Variants in OTOF observed in about 807,000 individuals in gnomAD.
OTOF encodes the protein fer-1-like family member 2.
A neutral mutation model predicts 236.8 loss-of-function variants in OTOF; 218 were observed. That is an observed-to-expected ratio of 0.92 (90% CI 0.82 to 1.03). The LOEUF is 1.03. OTOF is among the 50% of genes least tolerant of loss of function. The pLI is 0.00. For missense variants in OTOF, 2,590 were observed against 2,694.4 expected, an observed-to-expected ratio of 0.96 and a Z score of 0.86; for synonymous variants, 1,041 against 1,072.5, an observed-to-expected ratio of 0.97 and a Z score of 0.57.
chr2:26,501,576 T>C (rs770833323), intron 8 of OTOF, among the ~76,000 whole-genome samples, 178 bp downstream of exon 8: 1 of 152,208 alleles, frequency 6.6e-6, no homozygotes, highest in African/African-American at 2.4e-5. Flanking sequence ...ATCTCTCTAC[T>C]GATGATACTT....
In OTOF at chr2:26,471,158, G is replaced by A. The variant is rs1462081059; in HGVS notation, c.3865-8C>T. ...GACAACAGCTTCAGAAGTCTGCAGAGGAACCAAGGAGACAGGGGCAGAATC... is the reference window on the plus strand; with the variant it reads ...GACAACAGCTTCAGAAGTCTGCAGAAGAACCAAGGAGACAGGGGCAGAATC... On this transcript the variant is annotated splice_region_variant and splice_polypyrimidine_tract_variant and intron_variant, in intron 30 of 46. Coordinates refer to ENST00000272371, the MANE Select transcript of OTOF (RefSeq NM_194248.3). 8.7e-6 allele frequency: 14 copies of A among 1,613,952 alleles called. No homozygotes were observed. The highest frequency in any genetic ancestry group is 1.1e-5 in the Non-Finnish European group (13 of 1,179,994).
chr2:26,509,023 C>T (rs1438301816), intron 5 of OTOF, among the ~76,000 whole-genome samples: 1 of 152,154 alleles, frequency 6.6e-6, no homozygotes, highest in Admixed American at 6.5e-5. Flanking sequence ...TTTTGGTGGA[C>T]CTACTATGTG....
intron 10 of OTOF, 123 bp downstream of exon 10, chr2:26,489,555 G>A (rs981933404): frequency 7.2e-5 from 60 of 833,862 alleles, no homozygotes; most frequent in East Asian, 4.7e-4. Context: ...TTGCCCAGCC[G>A]TGTGTCCAGG....
At chr2:26,476,842 G>A (rs1358562636) in intron 22 of OTOF, 49 bp downstream of exon 22, 46 of 1,560,806 alleles carry the variant, frequency 2.9e-5, no homozygotes, top group Non-Finnish European at 3.8e-5. Flanking sequence ...GGGGGCTGCT[G>A]CTCCCCTGAA....
chr2:26,540,558 A>C (rs1667188287), intron 1 of OTOF, among the ~76,000 whole-genome samples: 1 of 152,096 alleles, frequency 6.6e-6, no homozygotes, highest in African/African-American at 2.4e-5. Flanking sequence ...TGGTGGCCTC[A>C]TCTGTTTAGT....
chr2:26,556,552 G>T (rs1297214127), intron 1 of OTOF, among the ~76,000 whole-genome samples: 1 of 152,164 alleles, frequency 6.6e-6, no homozygotes, highest in Non-Finnish European at 1.5e-5. Context: ...AGCAAGGGTT[G>T]CAAATAAACT....
intron 5 of OTOF, among the ~76,000 whole-genome samples, chr2:26,511,189 G>A (rs1289226606): frequency 6.6e-6 from 1 of 152,208 alleles, no homozygotes; most frequent in African/African-American, 2.4e-5. Flanking sequence ...CCCTCCAATG[G>A]GGTGGGAGCT....
At chr2:26,527,795 T>C (rs371501380) in intron 3 of OTOF, 37 bp downstream of exon 3, 55 of 1,487,430 alleles carry the variant, frequency 3.7e-5, no homozygotes, top group Non-Finnish European at 5.1e-5. Context: ...TCCCAGCCCG[T>C]CCAGGCCCAG....
intron 10 of OTOF, 152 bp from the exon 11 acceptor site, chr2:26,489,447 C>T (rs889509052): frequency 2.3e-5 from 17 of 742,692 alleles, no homozygotes; most frequent in African/African-American, 8.6e-5. Context: ...CTCCTGCCCA[C>T]GCCAGTTTCT....
At chr2:26,540,168 A>G (rs560180903) in intron 1 of OTOF, among the ~76,000 whole-genome samples, 6 of 152,316 alleles carry the variant, frequency 3.9e-5, no homozygotes, top group Admixed American at 3.3e-4. Context: ...CCTGGCCTCA[A>G]GTGATCTCCC....
chr2:26,479,551 CTTGCG>C lies in OTOF; in HGVS notation c.2010_2014del (p.Asn670LysfsTer2). 1 of 1,612,500 alleles carries C rather than the reference CTTGCG, an allele frequency of 6.2e-7. No homozygotes were observed. Among genetic ancestry groups the C allele is most frequent in the Non-Finnish European group, 8.5e-7 (1 of 1,179,894 alleles). ...CCCGGCATCACCGGCCTCGTCATCA[CTTGCG>C]TTCTGAATCAGGTCTACTTCTTCCT... On this transcript the variant is annotated frameshift_variant, in exon 17 of 47. Transcript: ENST00000272371. LOFTEE classifies it high-confidence loss of function.
At chr2:26,539,398 G>A (rs115809571) in intron 1 of OTOF, among the ~76,000 whole-genome samples, 6,527 of 152,200 alleles carry the variant, frequency 0.043, 443 homozygotes, top group African/African-American at 0.15. Context: ...CAAACTATAT[G>A]CATATATTTC....
rs1423777622 is a variant in OTOF, at chr2:26,475,937, TGAA to T, written c.2965_2967del (p.Phe989del). 1.2e-6 allele frequency: 2 copies of T among 1,610,454 alleles called. No individual in the cohort carries two copies. The highest frequency in any genetic ancestry group is 2.2e-5 in the South Asian group (2 of 90,454). ...ACCTCTGTGCACTGACTCTGATTGA[TGAA>T]GAAGACGCGGGCAAAGGGGTCTGAG... On this transcript the variant is annotated inframe_deletion, in exon 24 of 47. Coordinates refer to ENST00000272371, the MANE Select transcript of OTOF (RefSeq NM_194248.3).
intron 39 of OTOF, among the ~76,000 whole-genome samples, 169 bp downstream of exon 39, chr2:26,464,700 G>A (rs1013356926): frequency 7.9e-5 from 12 of 152,296 alleles, no homozygotes; most frequent in African/African-American, 2.9e-4. Context: ...CAGAGGCTGG[G>A]CAGACAGGAA....
At position 26,473,936 on chromosome 2, in the gene OTOF, C is replaced by T. The variant is rs1430972572; in HGVS notation, c.3408+55G>A. On this transcript the variant is annotated intron_variant, in intron 27 of 46. Coordinates refer to ENST00000272371, the MANE Select transcript of OTOF (RefSeq NM_194248.3). The surrounding 1 kb of genome is among the most constrained non-coding windows in gnomAD (Gnocchi z 7.2). The stretch of plus-strand genomic sequence containing the variant: ...AGGGGGATGACAAGCCACTTCCCCT[C>T]CTGGGTCCTCAGACTCCTCATCCAA... 6 of 1,610,336 alleles carry T rather than the reference C, an allele frequency of 3.7e-6. No individual in the cohort carries two copies. Among genetic ancestry groups the T allele is most frequent in the African/African-American group, 1.3e-5 (1 of 74,794 alleles).
chr2:26,468,553 A>T, intron 32 of OTOF, 79 bp from the exon 33 acceptor site: 1 of 1,032,718 alleles, frequency 9.7e-7, no homozygotes, highest in East Asian at 2.4e-5. Context: ...GTGGGCCCAG[A>T]CCAGTCTTAA....
Position 26,473,999 on chromosome 2 carries a change from G to C in OTOF, c.3400C>G (p.Arg1134Gly). The C allele has an allele frequency of 6.2e-7, 1 of 1,612,920 alleles. No individual in the cohort carries two copies. The highest frequency in any genetic ancestry group is 8.5e-7 in the Non-Finnish European group (1 of 1,179,874). ...MGIRPVLSKY[R>G]VEVLFWGLRD... The stretch of plus-strand genomic sequence containing the variant: ...ACACAGAGCCCTCGCACCTCCACTC[G>C]GTACTTGCTGAGCACGGGCCGGATG... Residue 1134 changes from arginine (R) to glycine (G), a missense_variant, in exon 27 of 47, where the codon CGA becomes GGA. Arg to Gly is a moderately radical substitution (Grantham distance 125). This residue lies in a region of OTOF where 1,211 missense variants were observed against 1,352.8 expected (regional missense o/e 0.90). Transcript: ENST00000272371. This position sits in a 1 kb window ranked among gnomAD's most constrained non-coding sequence, Gnocchi z 7.2.
chr2:26,512,318 G>A (rs1431944247), intron 5 of OTOF, among the ~76,000 whole-genome samples: 1 of 152,240 alleles, frequency 6.6e-6, no homozygotes, highest in East Asian at 1.9e-4. Context: ...TCTCTAAGAT[G>A]TGACTCCTAA....
Position 26,489,820 on chromosome 2 carries a change from G to T in OTOF, c.898-80C>A, listed in dbSNP as rs567956719. 4.6e-6 allele frequency: 5 copies of T among 1,079,228 alleles called. No homozygotes were observed. In the East Asian group the frequency reaches 1.2e-4, roughly 26 times the overall value. 66.9% of individuals were successfully genotyped at this position (1,079,228 alleles called of 1,614,324 possible). ...GGCAGTGTTGGGCCCCTCCCTCCTC[G>T]CAGGGCCTGTCTGCACCCCAGACAT... On this transcript the variant is annotated intron_variant, in intron 9 of 46. Coordinates refer to ENST00000272371, the MANE Select transcript of OTOF (RefSeq NM_194248.3).
Sources: gnomAD v4.1 joint callset for allele counts (sites outside exome capture counted in the v4.1 genomes callset) on GRCh38, gnomAD v4.1.1 for gene constraint, gnomAD v4.1.1 regional missense constraint, Gnocchi (gnomAD v3.1) non-coding constraint, MANE v1.5 for transcripts, NCBI Gene and HGNC (gene_info 2026-07-23, HGNC 2026-07-21) for gene names.